NR3C2: variants seen among roughly 807,000 people sequenced by gnomAD.
The protein encoded by NR3C2 is nuclear receptor subfamily 3 group C member 2, also known as mineralocorticoid receptor.
A neutral mutation model predicts 86.4 loss-of-function variants in NR3C2; 15 were observed. That is an observed-to-expected ratio of 0.17 (90% confidence interval 0.12 to 0.27). NR3C2 has a LOEUF of 0.27. Among genes scored for constraint, NR3C2 ranks in the 10% least tolerant of loss-of-function variants. The pLI is 1.00. For missense variants in NR3C2, 960 were observed against 1,195.6 expected, an observed-to-expected ratio of 0.80 and a Z score of 2.91; for synonymous variants, 458 against 450.5, an observed-to-expected ratio of 1.02 and a Z score of -0.21.
chr4:148,366,977 T>C (rs538718443), intron 2 of NR3C2, among the ~76,000 whole-genome samples: 1 of 152,304 alleles, frequency 6.6e-6, no homozygotes, highest in South Asian at 2.1e-4. Flanking sequence ...TTATTTTCCA[T>C]GGGGTATGCT....
chr4:148,240,394 A>G (rs1293680491), intron 3 of NR3C2, among the ~76,000 whole-genome samples: 1 of 151,996 alleles, frequency 6.6e-6, no homozygotes, highest in East Asian at 1.9e-4. Flanking sequence ...GCCAGTGTCT[A>G]CCACATTGGA....
intron 3 of NR3C2, among the ~76,000 whole-genome samples, chr4:148,258,507 G>A (rs1313564635): frequency 1.3e-5 from 2 of 152,134 alleles, no homozygotes; most frequent in African/African-American, 2.4e-5. Context: ...CAGGTTGTCC[G>A]ACTCCAGCCA....
intron 6 of NR3C2, among the ~76,000 whole-genome samples, chr4:148,128,355 A>G (rs531783021): frequency 6.6e-6 from 1 of 152,312 alleles, no homozygotes; most frequent in South Asian, 2.1e-4. Flanking sequence ...GTCCTTCTAG[A>G]AGTAGTTGAT....
chr4:148,166,742 T>C (rs1168351519), intron 4 of NR3C2, among the ~76,000 whole-genome samples: 1 of 151,798 alleles, frequency 6.6e-6, no homozygotes, highest in East Asian at 1.9e-4. Flanking sequence ...TGATTCCTTA[T>C]AATCTGTATT....
intron 3 of NR3C2, among the ~76,000 whole-genome samples, chr4:148,250,038 T>C (rs1427637899): frequency 6.6e-6 from 1 of 152,218 alleles, no homozygotes; most frequent in Non-Finnish European, 1.5e-5. Flanking sequence ...TTCAAGGTTT[T>C]GCCTCTGTTC....
At chr4:148,105,430 C>T (rs1232469853) in intron 8 of NR3C2, among the ~76,000 whole-genome samples, 3 of 152,122 alleles carry the variant, frequency 2.0e-5, no homozygotes, top group African/African-American at 4.8e-5. Context: ...GATTCACAGC[C>T]GAATTCTACG....
intron 2 of NR3C2, among the ~76,000 whole-genome samples, chr4:148,422,266 C>T (rs1645594047): frequency 6.6e-6 from 1 of 151,554 alleles, no homozygotes; most frequent in African/African-American, 2.4e-5. Flanking sequence ...GGGAATAGCT[C>T]ACATGTATAC....
chr4:148,392,167 A>G (rs1014051869), intron 2 of NR3C2, among the ~76,000 whole-genome samples: 4 of 152,248 alleles, frequency 2.6e-5, no homozygotes, highest in Non-Finnish European at 5.9e-5. Flanking sequence ...TTAAGATCTG[A>G]CAGGACAAAT....
chr4:148,320,567 C>G (rs1743509335), intron 2 of NR3C2, among the ~76,000 whole-genome samples: 1 of 147,558 alleles, frequency 6.8e-6, no homozygotes, highest in African/African-American at 2.5e-5. Flanking sequence ...TGTTATTGGT[C>G]TATTCAGAGA....
At chr4:148,331,915 A>G (rs1016329161) in intron 2 of NR3C2, among the ~76,000 whole-genome samples, 3 of 152,202 alleles carry the variant, frequency 2.0e-5, no homozygotes, top group Non-Finnish European at 4.4e-5. Flanking sequence ...GAGGTGCAGT[A>G]AGAGTATCTG....
intron 7 of NR3C2, among the ~76,000 whole-genome samples, chr4:148,114,635 T>A (rs1246700861): frequency 6.6e-6 from 1 of 152,238 alleles, no homozygotes; most frequent in African/African-American, 2.4e-5. Context: ...TAGGTCTGTC[T>A]GTTTCCAAAG....
chr4:148,345,865 TC>T (rs1374287895), intron 2 of NR3C2, among the ~76,000 whole-genome samples: 1 of 152,046 alleles, frequency 6.6e-6, no homozygotes, highest in African/African-American at 2.4e-5. Flanking sequence ...GTCCCTCCCT[TC>T]TCAGAGGTTA....
At chr4:148,350,960 AT>A (rs1745243982) in intron 2 of NR3C2, among the ~76,000 whole-genome samples, 1 of 152,162 alleles carries the variant, frequency 6.6e-6, no homozygotes, top group Admixed American at 6.6e-5. Flanking sequence ...ATAAAATATA[AT>A]GTTGTTCAAT....
At chr4:148,200,167 A>G (rs1357236480) in intron 3 of NR3C2, among the ~76,000 whole-genome samples, 3 of 152,206 alleles carry the variant, frequency 2.0e-5, no homozygotes, top group African/African-American at 7.2e-5. Flanking sequence ...AGGAACAGAC[A>G]GTGTCCACAC....
In NR3C2 at chr4:148,162,267, T is replaced by C. The variant is rs756623920; in HGVS notation, c.2015-7366A>G. 4.6e-5 allele frequency among the ~76,000 whole-genome samples: 7 copies of C among 152,294 alleles called. 1 individual carries two copies. In the South Asian group the frequency reaches 8.3e-4, roughly 18 times the overall value. On this transcript the variant is annotated intron_variant, in intron 4 of 8. Transcript: ENST00000358102. Reference sequence around the variant, plus strand: ...CACTGGAGACAGACAGGAAGTCAGATAGGGACAAAGCTGGGAAGATGCTTC... The same window carrying C: ...CACTGGAGACAGACAGGAAGTCAGACAGGGACAAAGCTGGGAAGATGCTTC...
At chr4:148,149,059 G>C (rs1181934259) in intron 6 of NR3C2, among the ~76,000 whole-genome samples, 1 of 152,148 alleles carries the variant, frequency 6.6e-6, no homozygotes, top group Non-Finnish European at 1.5e-5. Context: ...TTGACCAAAA[G>C]GCTTTATATA....
rs2070951 is a variant in NR3C2, at chr4:148,436,862, G to C, written c.-2C>G. On this transcript the variant is annotated splice_region_variant and 5_prime_UTR_variant, in exon 2 of 9. Coordinates refer to ENST00000358102, the MANE Select transcript of NR3C2 (RefSeq NM_000901.5). ...ACTGTGGTAGCCTTTGGTCTCCATC[G>C]CTAACAAATAAATTTACATTAAAAA... 796,286 of 1,600,986 alleles carry C rather than the reference G, an allele frequency of 0.5. 204,490 individuals are homozygous for C. The highest frequency in any genetic ancestry group is 0.76 in the East Asian group (33,887 of 44,806).
intron 2 of NR3C2, among the ~76,000 whole-genome samples, chr4:148,281,842 A>G (rs1741261225): frequency 6.6e-6 from 1 of 152,256 alleles, no homozygotes; most frequent in Non-Finnish European, 1.5e-5. Flanking sequence ...AAGTACAAAC[A>G]TATGTAAAGA....
chr4:148,191,066 G>A (rs1473982521), intron 4 of NR3C2, among the ~76,000 whole-genome samples: 2 of 148,644 alleles, frequency 1.3e-5, no homozygotes, highest in East Asian at 3.9e-4. Context: ...TTTTTTTTTT[G>A]CTTTATAGAT....
Sources: allele counts gnomAD v4.1 joint callset (sites outside exome capture counted in the v4.1 genomes callset), GRCh38; gene constraint gnomAD v4.1.1; transcripts MANE v1.5; gene names NCBI Gene and HGNC (gene_info 2026-07-23, HGNC 2026-07-21).